NUP153: variants seen among roughly 807,000 people sequenced by gnomAD.
The protein encoded by NUP153 is nucleoporin 153, also known as nuclear pore complex protein Nup153.
Under a neutral mutation model 134.6 loss-of-function variants are expected in NUP153, and 27 were observed. That is an observed-to-expected ratio of 0.20 (90% CI 0.15 to 0.28). The LOEUF (loss-of-function observed/expected upper bound fraction) is 0.28, where lower values mean the gene tolerates loss of function less well. Among genes scored for constraint, NUP153 ranks in the 10% least tolerant of loss-of-function variants. The pLI, the probability that NUP153 is intolerant of heterozygous loss-of-function variation, is 1.00. For synonymous variants in NUP153, 640 were observed against 623.5 expected (o/e 1.03, Z -0.40); for missense variants, 1,821 against 1,731.3 (o/e 1.05, Z -0.92).
intron 14 of NUP153, among the ~76,000 whole-genome samples, chr6:17,642,459 T>C (rs1260288063): frequency 1.3e-5 from 2 of 152,036 alleles, no homozygotes; most frequent in East Asian, 3.9e-4. Flanking sequence ...CTGAAAAAAA[T>C]GCAACATCAT....
intron 13 of NUP153, among the ~76,000 whole-genome samples, chr6:17,647,259 T>C (rs898928541): frequency 5.3e-5 from 8 of 152,204 alleles, no homozygotes; most frequent in Non-Finnish European, 7.3e-5. Context: ...CGTGTTATTC[T>C]TACCCCAAAC....
Position 17,628,658 on chromosome 6 carries a change from C to A in NUP153, c.3541G>T (p.Ala1181Ser). The A allele has an allele frequency of 6.4e-7, 1 of 1,554,214 alleles. No individual in the cohort carries two copies. Among genetic ancestry groups the A allele is most frequent in the Non-Finnish European group, 8.7e-7 (1 of 1,148,594 alleles). Residue 1181 changes from alanine (A) to serine (S), a missense_variant, in exon 18 of 22, where the codon GCT (alanine) becomes TCT (serine). Physicochemically the swap from Ala to Ser is moderately conservative, Grantham distance 99 (BLOSUM62 1). Transcript: ENST00000262077. The surrounding 1 kb of genome is among the most constrained non-coding windows in gnomAD (Gnocchi z 5.4). ...ATAATAAAAAGTTAATACTTACCAG[C>A]TGTAGTACTAGTTTGAGCTCCAAAG... ...FAFGAQTSTT[A>S]DQGAAKPVFS...
At chr6:17,678,352 C>CAAAAAAAAAAAAAAAAAAAAAAAAAAA (rs11428582) in intron 2 of NUP153, among the ~76,000 whole-genome samples, 5 of 68,224 alleles carry the variant, frequency 7.3e-5, no homozygotes, top group African/African-American at 1.9e-4. Context: ...CCCTCTGTCT[C>CAAAAAAAAAAAAAAAAAAAAAAAAAAA]AAAAAAAAAA....
chr6:17,704,194 AGGCAGGAGAAT>A (rs960569367), intron 1 of NUP153, among the ~76,000 whole-genome samples: 2 of 151,874 alleles, frequency 1.3e-5, no homozygotes, highest in Admixed American at 6.6e-5. Flanking sequence ...CTGGAGGCTG[AGGCAGGAGAAT>A]GGCATTAACC....
chr6:17,695,296 C>T (rs973991874), intron 1 of NUP153, among the ~76,000 whole-genome samples: 6 of 152,100 alleles, frequency 3.9e-5, no homozygotes, highest in Non-Finnish European at 8.8e-5. Context: ...AGCCTATGAG[C>T]TCATTAGAAA....
At chr6:17,679,694 A>G (rs1768460644) in intron 2 of NUP153, among the ~76,000 whole-genome samples, 1 of 152,190 alleles carries the variant, frequency 6.6e-6, no homozygotes, top group East Asian at 1.9e-4. Context: ...TCTCCTTCAC[A>G]TATGTATTTT....
At chr6:17,687,627 T>A (rs1769013449) in intron 2 of NUP153, among the ~76,000 whole-genome samples, 2 of 152,014 alleles carry the variant, frequency 1.3e-5, no homozygotes, top group Non-Finnish European at 2.9e-5. Context: ...GGCAGGGAGA[T>A]GTTACTAAGT....
At chr6:17,645,072 A>G (rs1237420841) in intron 14 of NUP153, among the ~76,000 whole-genome samples, 2 of 151,480 alleles carry the variant, frequency 1.3e-5, no homozygotes, top group Non-Finnish European at 2.9e-5. Context: ...GGGACACAAC[A>G]AGGCTCCGTC....
chr6:17,673,543 G>A (rs1041105014), intron 5 of NUP153, among the ~76,000 whole-genome samples: 2 of 152,084 alleles, frequency 1.3e-5, no homozygotes, highest in African/African-American at 4.8e-5. Context: ...CTTCACCAAA[G>A]AAGATATTTC....
chr6:17,616,847 T>C, intron 20 of NUP153, 152 bp from the exon 21 acceptor site: 1 of 664,392 alleles, frequency 1.5e-6, no homozygotes, highest in Non-Finnish European at 2.5e-6. Context: ...CCTCCTGGGT[T>C]CAAGTGATTC....
rs1321719809 is a variant in NUP153 at position 17,706,710 on chromosome 6, C to G, written c.-323G>C. On this transcript the variant is annotated 5_prime_UTR_variant, in exon 1 of 22. Coordinates refer to ENST00000262077, the MANE Select transcript of NUP153 (RefSeq NM_005124.4). The surrounding 1 kb of genome is among the most constrained non-coding windows in gnomAD (Gnocchi z 5.9). ...AGAGGACAGCACGAACAGTTCCCCG[C>G]GGTGCTGAGGCCTAACTCGACCGCC... 3 of 373,526 alleles carry G rather than the reference C, an allele frequency of 8.0e-6. No individual in the cohort carries two copies. The highest frequency in any genetic ancestry group is 2.9e-5 in the South Asian group (1 of 34,704). 23.1% of individuals were successfully genotyped at this position (373,526 alleles called of 1,614,324 possible). A position where few individuals can be genotyped will look rare whatever the true frequency, so the allele number is the denominator to read the frequency against.
At position 17,625,841 on chromosome 6, in the gene NUP153, C is replaced by T. The variant is rs551649690; in HGVS notation, c.3868G>A (p.Gly1290Ser). The T allele has an allele frequency of 2.3e-5, 37 of 1,614,042 alleles. No individual in the cohort carries two copies. The highest frequency in any genetic ancestry group is 8.3e-5 in the Admixed American group (5 of 60,014). Residue 1290 changes from glycine (G) to serine (S), a missense_variant, in exon 19 of 22, where the codon GGC becomes AGC. By Grantham distance (56) the Gly-to-Ser change is moderately conservative. Transcript: ENST00000262077. The surrounding 1 kb of genome is among the most constrained non-coding windows in gnomAD (Gnocchi z 4.7). ...SSNNTTTSGF[G>S]FGATTTSSSA... ...CTAGATGTGGTTGTGGCTCCAAAGC[C>T]GAAACCAGAGGTGGTAGTATTATTA...
In NUP153 at chr6:17,669,554, G is replaced by T. The variant is rs772981842; in HGVS notation, c.853-8C>A. ...TTGTCTTCTAACTGGTGCCTGTAAAGTAAACCCTATATTATTTGTTGCAAC... is the reference window on the plus strand; with the variant it reads ...TTGTCTTCTAACTGGTGCCTGTAAATTAAACCCTATATTATTTGTTGCAAC... On this transcript the variant is annotated splice_region_variant and splice_polypyrimidine_tract_variant and intron_variant, in intron 5 of 21. Transcript: ENST00000262077. 5.2e-6 allele frequency: 8 copies of T among 1,547,124 alleles called. No individual in the cohort carries two copies. In the South Asian group the frequency reaches 8.9e-5, roughly 17 times the overall value.
At chr6:17,701,758 G>A (rs1389708102) in intron 1 of NUP153, among the ~76,000 whole-genome samples, 2 of 149,512 alleles carry the variant, frequency 1.3e-5, no homozygotes, top group African/African-American at 2.5e-5. Context: ...GCTTGAACTC[G>A]GGAGGCAGAA....
chr6:17,657,401 T>TAAAAAAAA (rs140217238), intron 11 of NUP153, among the ~76,000 whole-genome samples: 11 of 140,334 alleles, frequency 7.8e-5, no homozygotes, highest in East Asian at 4.0e-4. Flanking sequence ...AATAAAAAAA[T>TAAAAAAAA]AAAAAAAAAA....
Position 17,625,945 on chromosome 6 carries a change from G to T in NUP153, c.3764C>A (p.Ser1255Tyr). The change falls in exon 19 of 22, where the codon TCT becomes TAT. Residue 1255 changes from serine (S) to tyrosine (Y), a missense_variant. Ser to Tyr is a moderately radical substitution (Grantham distance 144). Coordinates refer to ENST00000262077, the MANE Select transcript of NUP153 (RefSeq NM_005124.4). This position sits in a 1 kb window ranked among gnomAD's most constrained non-coding sequence, Gnocchi z 4.7. Reference protein sequence around the residue: ...ESSTSQSLLFSQDSKLATTSS... With the variant: ...ESSTSQSLLFYQDSKLATTSS... ...TGTGGTTGCTAGTTTGCTATCTTGA[G>T]AAAATAGCAAAGACTGAGAGGTGCT... 1 of 1,614,174 alleles carries T rather than the reference G, an allele frequency of 6.2e-7. No homozygotes were observed. Among genetic ancestry groups the T allele is most frequent in the Non-Finnish European group, 8.5e-7 (1 of 1,180,026 alleles).
rs1242287351 is a variant in NUP153, at chr6:17,633,953, A to C, written c.2465-1109T>G. 2.3e-5 allele frequency among the ~76,000 whole-genome samples: 3 copies of C among 130,588 alleles called. No individual in the cohort carries two copies. The East Asian group carries it at 7.1e-4, about 31-fold the overall frequency. 85.7% of individuals were successfully genotyped at this position (130,588 alleles called of 152,430 possible). A position where few individuals can be genotyped will look rare whatever the true frequency, so the allele number is the denominator to read the frequency against. On this transcript the variant is annotated intron_variant, in intron 16 of 21. Transcript: ENST00000262077. ...AAACAGTTTCCTAATCTACACCTGC[A>C]ATCTACACTTCTGAGCTTGTCACTG...
At chr6:17,642,126 C>T (rs916679790) in intron 14 of NUP153, among the ~76,000 whole-genome samples, 1 of 152,014 alleles carries the variant, frequency 6.6e-6, no homozygotes, top group Non-Finnish European at 1.5e-5. Flanking sequence ...CACCATAAAA[C>T]TCTTAGAAGA....
At chr6:17,651,981 G>A in intron 11 of NUP153, 1 of 534,856 alleles carries the variant, frequency 1.9e-6, no homozygotes, top group Non-Finnish European at 3.6e-6. Flanking sequence ...TGTGGTCCCA[G>A]CTACTTGGGA....
Sources: allele counts gnomAD v4.1 joint callset (sites outside exome capture counted in the v4.1 genomes callset), GRCh38; gene constraint gnomAD v4.1.1; non-coding constraint Gnocchi (gnomAD v3.1); transcripts MANE v1.5; gene names NCBI Gene and HGNC (gene_info 2026-07-23, HGNC 2026-07-21).